Variants in RGS21 observed in about 807,000 individuals in gnomAD.
RGS21 encodes regulator of G protein signaling 21.
A neutral mutation model predicts 18.7 loss-of-function variants in RGS21; 19 were observed. The observed-to-expected ratio is 1.01, with a 90% CI of 0.71 to 1.49. The LOEUF (loss-of-function observed/expected upper bound fraction) is 1.49. Ranked by LOEUF, RGS21 falls within the 40% of genes most tolerant of loss-of-function variation. The pLI is 0.00. For missense variants in RGS21, 194 were observed against 176.8 expected (o/e 1.10, Z -0.55); for synonymous variants, 56 against 57.8 (o/e 0.97, Z 0.14).
At chr1:192,333,223 G>A (rs925532170) in intron 1 of RGS21, among the ~76,000 whole-genome samples, 1 of 150,034 alleles carries the variant, frequency 6.7e-6, no homozygotes, top group Non-Finnish European at 1.5e-5. Flanking sequence ...ACTGCAGGTA[G>A]CATATAAAGT....
chr1:192,365,875 T>C lies in RGS21; in HGVS notation c.256-46T>C, dbSNP rs565654456. 162 of 1,059,556 alleles carry C rather than the reference T, an allele frequency of 1.5e-4. 2 individuals are homozygous for C. In the South Asian group the frequency reaches 2.1e-3, roughly 14 times the overall value. The allele number at this position is 1,059,556 out of a possible 1,614,324, so 65.6% of individuals were successfully genotyped here. A position where few individuals can be genotyped will look rare whatever the true frequency, so the allele number is the denominator to read the frequency against. ...TAATATATATGTATAAACTATACATTCTTTGATTAAACTAATTCAATGATA... is the reference window on the plus strand; with the variant it reads ...TAATATATATGTATAAACTATACATCCTTTGATTAAACTAATTCAATGATA... On this transcript the variant is annotated intron_variant, in intron 4 of 4. Transcript: ENST00000417209.
chr1:192,349,631 G>A (rs1207630696), intron 3 of RGS21, among the ~76,000 whole-genome samples: 1 of 152,146 alleles, frequency 6.6e-6, no homozygotes, highest in Non-Finnish European at 1.5e-5. Flanking sequence ...CAAATTGTAT[G>A]TATAGGAGAG....
intron 3 of RGS21, among the ~76,000 whole-genome samples, chr1:192,349,505 C>T (rs538206387): frequency 1.6e-4 from 25 of 152,236 alleles, no homozygotes; most frequent in African/African-American, 5.5e-4. Context: ...TTCCACTTAA[C>T]GCCCTTTGTT....
At chr1:192,363,926 A>G (rs936668763) in intron 4 of RGS21, among the ~76,000 whole-genome samples, 23 of 152,194 alleles carry the variant, frequency 1.5e-4, no homozygotes, top group African/African-American at 5.3e-4. Context: ...ACATTTATTT[A>G]GTTGTTGGTT....
intron 4 of RGS21, among the ~76,000 whole-genome samples, chr1:192,361,702 C>T (rs976804550): frequency 1.3e-5 from 2 of 151,994 alleles, no homozygotes; most frequent in African/African-American, 2.4e-5. Flanking sequence ...CCCACCACCA[C>T]GCCTGGCTAA....
At chr1:192,363,857 G>GT (rs1659220099) in intron 4 of RGS21, among the ~76,000 whole-genome samples, 2 of 151,948 alleles carry the variant, frequency 1.3e-5, no homozygotes, top group Non-Finnish European at 2.9e-5. Flanking sequence ...TGCCCTAAGT[G>GT]TTTTTCCCCA....
intron 1 of RGS21, among the ~76,000 whole-genome samples, chr1:192,318,276 C>T (rs1658447144): frequency 6.6e-6 from 1 of 152,004 alleles, no homozygotes; most frequent in African/African-American, 2.4e-5. Context: ...ATAAATCAAG[C>T]AGCCACAGCA....
intron 1 of RGS21, among the ~76,000 whole-genome samples, chr1:192,324,121 GTTTA>G (rs1658532660): frequency 6.6e-6 from 1 of 151,690 alleles, no homozygotes; most frequent in South Asian, 2.1e-4. Flanking sequence ...ACAGACACAT[GTTTA>G]TTTCTCTACA....
chr1:192,340,386 A>G (rs367805654), intron 1 of RGS21, among the ~76,000 whole-genome samples: 2 of 152,294 alleles, frequency 1.3e-5, no homozygotes, highest in South Asian at 4.1e-4. Context: ...TATCAATACT[A>G]TCAGTAGCAA....
chr1:192,345,536 T>C (rs1469708419), intron 2 of RGS21, among the ~76,000 whole-genome samples: 1 of 152,112 alleles, frequency 6.6e-6, no homozygotes. Context: ...CTGTTCTTGG[T>C]GCTAGAAAAT....
chr1:192,353,143 G>T (rs1254509184), intron 4 of RGS21, among the ~76,000 whole-genome samples: 3 of 151,930 alleles, frequency 2.0e-5, no homozygotes, highest in East Asian at 3.9e-4. Flanking sequence ...CATGGTATGA[G>T]AGGATGGTTG....
chr1:192,351,129 G>C (rs932894247), intron 3 of RGS21, among the ~76,000 whole-genome samples: 5 of 152,102 alleles, frequency 3.3e-5, no homozygotes, highest in Admixed American at 6.6e-5. Context: ...TAATACCTGG[G>C]AGGAGGAGGA....
intron 4 of RGS21, among the ~76,000 whole-genome samples, chr1:192,354,455 C>T (rs185278361): frequency 1.3e-5 from 2 of 151,700 alleles, no homozygotes; most frequent in East Asian, 3.9e-4. Flanking sequence ...AAATTGCAGG[C>T]ATATTGATAT....
At chr1:192,352,573 A>G (rs1557980519) in intron 4 of RGS21, among the ~76,000 whole-genome samples, 1 of 152,088 alleles carries the variant, frequency 6.6e-6, no homozygotes, top group Non-Finnish European at 1.5e-5. Flanking sequence ...TTATTTTGCT[A>G]AACTAGGAAT....
rs376071806 is a variant in RGS21, at chr1:192,321,377, G to T, written c.-61+4272G>T. Among the ~76,000 whole-genome samples the T allele has an allele frequency of 5.8e-4, 88 of 151,966 alleles. 1 individual carries two copies. In the South Asian group the frequency reaches 0.014, roughly 25 times the overall value. On this transcript the variant is annotated intron_variant, in intron 1 of 4. Transcript: ENST00000417209. Reference sequence around the variant, plus strand: ...ATTTATAATTAGTGTTATGATAAGTGCCTAATAAACTTAAAATGATTTGAC... The same window carrying T: ...ATTTATAATTAGTGTTATGATAAGTTCCTAATAAACTTAAAATGATTTGAC...
chr1:192,360,388 G>A (rs1659170958), intron 4 of RGS21, among the ~76,000 whole-genome samples: 1 of 151,970 alleles, frequency 6.6e-6, no homozygotes, highest in Non-Finnish European at 1.5e-5. Flanking sequence ...TTAAAAAGAT[G>A]TTCTCCCTTG....
rs563280435 is a variant in RGS21, at chr1:192,324,325, G to C, written c.-61+7220G>C. ...AAGTTTTCTCTTCAGTTTGATTACT[G>C]ATCTACATTAACATATAATTTTTCC... On this transcript the variant is annotated intron_variant, in intron 1 of 4. Coordinates refer to ENST00000417209, the MANE Select transcript of RGS21 (RefSeq NM_001039152.3). 1.4e-4 allele frequency among the ~76,000 whole-genome samples: 21 copies of C among 152,114 alleles called. No homozygotes were observed. In the South Asian group the frequency reaches 3.5e-3, roughly 26 times the overall value.
intron 4 of RGS21, among the ~76,000 whole-genome samples, chr1:192,354,877 T>C (rs937802660): frequency 1.3e-5 from 2 of 151,758 alleles, no homozygotes; most frequent in African/African-American, 4.8e-5. Context: ...CTGATGCAAT[T>C]GGACAATTTA....
At chr1:192,354,851 G>A (rs1892147) in intron 4 of RGS21, among the ~76,000 whole-genome samples, 48,785 of 151,332 alleles carry the variant, frequency 0.32, 9,211 homozygotes, top group African/African-American at 0.52. Flanking sequence ...TGCTAACATG[G>A]CTTAATAATT....
Sources: allele counts gnomAD v4.1 joint callset (sites outside exome capture counted in the v4.1 genomes callset), GRCh38; gene constraint gnomAD v4.1.1; transcripts MANE v1.5; gene names NCBI Gene and HGNC (gene_info 2026-07-23, HGNC 2026-07-21).